AHNAK: variants seen among roughly 807,000 people sequenced by gnomAD.
AHNAK encodes the protein AHNAK nucleoprotein.
AHNAK carries 23 observed loss-of-function variants against 37.8 expected under a neutral mutation model. The observed-to-expected ratio is 0.61, with a 90% confidence interval of 0.44 to 0.86. The LOEUF is 0.86. Ranked by LOEUF, AHNAK falls within the 40% of genes least tolerant of loss-of-function variation. The pLI is 0.00. For synonymous variants in AHNAK, 2,481 were observed against 2,636.3 expected (o/e 0.94, Z 1.80); for missense variants, 7,411 against 7,319.4 (o/e 1.01, Z -0.46).
Position 62,520,445 on chromosome 11 carries a change from G to A in AHNAK, c.13972C>T (p.Pro4658Ser), listed in dbSNP as rs565321827. 17 of 1,613,990 alleles carry A rather than the reference G, an allele frequency of 1.1e-5. No individual in the cohort carries two copies. Among genetic ancestry groups the A allele is most frequent in the East Asian group, 6.7e-5 (3 of 44,878 alleles). ...WHLKMPKVKM[P>S]KFSMPGFKGE... ...TTGAAGCCAGGCATGCTGAACTTGG[G>A]CATTTTCACTTTGGGCATTTTTAGG... Residue 4658 changes from proline to serine, a missense_variant, in exon 5 of 5, where the codon CCC becomes TCC. By Grantham distance (74) the Pro-to-Ser change is moderately conservative. Coordinates refer to ENST00000378024, the MANE Select transcript of AHNAK (RefSeq NM_001620.3).
At chr11:62,535,231 C>T (rs994093635) in intron 3 of AHNAK, 41 bp from the exon 4 acceptor site, 2 of 1,575,306 alleles carry the variant, frequency 1.3e-6, no homozygotes, top group East Asian at 2.3e-5. Context: ...GCCCAAAGAG[C>T]CTCAGGGAAA....
chr11:62,484,619 A>G (rs1184209253), intron 5 of AHNAK, among the ~76,000 whole-genome samples: 1 of 152,148 alleles, frequency 6.6e-6, no homozygotes, highest in Non-Finnish European at 1.5e-5. Context: ...CCAGAGCTCC[A>G]TGAGGGAGGA....
chr11:62,525,259 A>G lies in AHNAK; in HGVS notation c.9158T>C (p.Val3053Ala). ...DVNLPKADLD[V>A]SGPKVDIDVP... Reference sequence around the variant, plus strand: ...ATCAATGTCCACCTTGGGTCCTGAGACATCAAGGTCAGCCTTGGGCAGGTT... The same window carrying G: ...ATCAATGTCCACCTTGGGTCCTGAGGCATCAAGGTCAGCCTTGGGCAGGTT... Residue 3053 changes from valine (V) to alanine (A), a missense_variant, in exon 5 of 5, where the codon GTC (valine) becomes GCC (alanine). Transcript: ENST00000378024. 6.2e-7 allele frequency: 1 copy of G among 1,612,098 alleles called. No homozygotes were observed. Among genetic ancestry groups the G allele is most frequent in the Non-Finnish European group, 8.5e-7 (1 of 1,179,604 alleles).
intron 5 of AHNAK, among the ~76,000 whole-genome samples, chr11:62,469,667 T>A (rs1218515088): frequency 8.8e-5 from 13 of 148,140 alleles, no homozygotes; most frequent in Admixed American, 8.7e-4. Context: ...GGGGTTTCAC[T>A]GTGTTGGCCA....
intron 5 of AHNAK, among the ~76,000 whole-genome samples, chr11:62,456,820 C>T (rs978462056): frequency 6.6e-6 from 1 of 152,168 alleles, no homozygotes; most frequent in African/African-American, 2.4e-5. Context: ...GCAGGTGGTT[C>T]AGAGAGTCAT....
intron 4 of AHNAK, among the ~76,000 whole-genome samples, chr11:62,505,189 C>A (rs1358698660): frequency 6.6e-6 from 1 of 152,116 alleles, no homozygotes; most frequent in Non-Finnish European, 1.5e-5. Context: ...CCGACAGCCC[C>A]CCAGGGTCTT....
chr11:62,442,994 CAG>C (rs1461617261), intron 5 of AHNAK, among the ~76,000 whole-genome samples: 1 of 151,280 alleles, frequency 6.6e-6, no homozygotes, highest in Non-Finnish European at 1.5e-5. Flanking sequence ...TTTTTTGAGA[CAG>C]AGTCTCGCTC....
At chr11:62,466,278 C>T (rs1938910435) in intron 5 of AHNAK, among the ~76,000 whole-genome samples, 7 of 152,160 alleles carry the variant, frequency 4.6e-5, no homozygotes, top group Admixed American at 4.6e-4. Context: ...CGAGATCACG[C>T]CACCGCACTC....
chr11:62,498,320 C>T (rs751824038), intron 4 of AHNAK, among the ~76,000 whole-genome samples: 3 of 151,802 alleles, frequency 2.0e-5, no homozygotes, highest in South Asian at 2.1e-4. Flanking sequence ...AGAAGGAGCA[C>T]GCAAGTGTGT....
intron 5 of AHNAK, among the ~76,000 whole-genome samples, chr11:62,476,434 G>A (rs540566861): frequency 6.6e-6 from 1 of 152,230 alleles, no homozygotes; most frequent in Admixed American, 6.5e-5. Context: ...TTGAAGATGA[G>A]GAGCGTCGTG....
chr11:62,529,855 G>C lies in AHNAK; in HGVS notation c.4562C>G (p.Pro1521Arg). Residue 1521 changes from proline to arginine, a missense_variant, in exon 5 of 5, where the codon CCT (proline) becomes CGT (arginine). By Grantham distance (103) the Pro-to-Arg change is moderately radical (BLOSUM62 -2). Coordinates refer to ENST00000378024, the MANE Select transcript of AHNAK (RefSeq NM_001620.3). ...PKVKMPKFSMPGFKGEGPEVD... is the reference protein window; with the variant it reads ...PKVKMPKFSMRGFKGEGPEVD... ...CTCTGGGCCCTCTCCTTTAAAGCCA[G>C]GCATGCTGAACTTGGGCATTTTTAC... 6.2e-7 allele frequency: 1 copy of C among 1,614,014 alleles called. No homozygotes were observed. Among genetic ancestry groups the C allele is most frequent in the Non-Finnish European group, 8.5e-7 (1 of 1,180,016 alleles).
At chr11:62,451,858 A>C (rs1458652256) in intron 5 of AHNAK, among the ~76,000 whole-genome samples, 2 of 131,544 alleles carry the variant, frequency 1.5e-5, no homozygotes, top group Non-Finnish European at 3.1e-5. Context: ...CCCAAGCTGG[A>C]GTTCAGTGGC....
chr11:62,465,286 T>C (rs1016337942), intron 5 of AHNAK, among the ~76,000 whole-genome samples: 4 of 152,132 alleles, frequency 2.6e-5, no homozygotes, highest in Non-Finnish European at 5.9e-5. Context: ...TGGAATCTTA[T>C]TTGGAAACAC....
intron 4 of AHNAK, among the ~76,000 whole-genome samples, chr11:62,508,781 C>T (rs1346306397): frequency 6.6e-6 from 1 of 152,192 alleles, no homozygotes; most frequent in Non-Finnish European, 1.5e-5. Flanking sequence ...GGCATTCATG[C>T]ATGGAATTCT....
chr11:62,436,218 C>T (rs1938168409), intron 5 of AHNAK, among the ~76,000 whole-genome samples: 1 of 152,142 alleles, frequency 6.6e-6, no homozygotes, highest in Admixed American at 6.5e-5. Flanking sequence ...CTGGGCTTCC[C>T]AATTCATGTT....
At position 62,528,791 on chromosome 11, in the gene AHNAK, A is replaced by T; in HGVS notation, c.5626T>A (p.Ser1876Thr). ...GPKVKGDADV[S>T]VPKLEGDLTG... ...AAATCTCCCTCCAATTTTGGCACCGACACATCCGCATCCCCTTTGACTTTG... is the reference window on the plus strand; with the variant it reads ...AAATCTCCCTCCAATTTTGGCACCGTCACATCCGCATCCCCTTTGACTTTG... Residue 1876 changes from serine to threonine, a missense_variant, in exon 5 of 5, where the codon TCG becomes ACG. Physicochemically the swap from Ser to Thr is moderately conservative, Grantham distance 58 (BLOSUM62 1). Coordinates refer to ENST00000378024, the MANE Select transcript of AHNAK (RefSeq NM_001620.3). 1.2e-6 allele frequency: 2 copies of T among 1,610,874 alleles called. No homozygotes were observed. The highest frequency in any genetic ancestry group is 1.7e-6 in the Non-Finnish European group (2 of 1,179,272).
intron 1 of AHNAK, among the ~76,000 whole-genome samples, chr11:62,538,444 C>T: frequency 6.6e-6 from 1 of 152,220 alleles, no homozygotes; most frequent in East Asian, 1.9e-4. Flanking sequence ...AGCCACAGCA[C>T]AAAATGGCGG....
At chr11:62,458,831 T>C (rs1938723725) in intron 5 of AHNAK, among the ~76,000 whole-genome samples, 1 of 152,124 alleles carries the variant, frequency 6.6e-6, no homozygotes, top group Non-Finnish European at 1.5e-5. Context: ...GCTCCAGATT[T>C]ACTGAATCAG....
In AHNAK at chr11:62,532,299, C is replaced by G. The variant is rs1430699331; in HGVS notation, c.2118G>C (p.Val706=). ...KISMPDVDLH[V]KGTKVKGEYD... Reference sequence around the variant, plus strand: ...ACTCTCCCTTCACCTTTGTACCTTTCACGTGCAAATCTACATCAGGCATGG... The same window carrying G: ...ACTCTCCCTTCACCTTTGTACCTTTGACGTGCAAATCTACATCAGGCATGG... The change falls in exon 5 of 5, where the codon GTG becomes GTC. Residue 706 remains valine (V), a synonymous_variant. Coordinates refer to ENST00000378024, the MANE Select transcript of AHNAK (RefSeq NM_001620.3). The G allele has an allele frequency of 1.9e-6, 3 of 1,614,136 alleles. No homozygotes were observed. The highest frequency in any genetic ancestry group is 2.5e-6 in the Non-Finnish European group (3 of 1,180,040).
Sources: allele counts gnomAD v4.1 joint callset (sites outside exome capture counted in the v4.1 genomes callset), GRCh38; gene constraint gnomAD v4.1.1; transcripts MANE v1.5; gene names NCBI Gene and HGNC (gene_info 2026-07-23, HGNC 2026-07-21).